STXBP5L: variants seen among roughly 807,000 people sequenced by gnomAD.
STXBP5L encodes syntaxin-binding protein 5-like.
Under a neutral mutation model 144.5 loss-of-function variants are expected in STXBP5L, and 65 were observed. That is an observed-to-expected ratio of 0.45 (90% CI 0.37 to 0.55). The LOEUF (loss-of-function observed/expected upper bound fraction) is 0.55. STXBP5L is among the 20% of genes least tolerant of loss of function. The pLI, the probability that STXBP5L is intolerant of heterozygous loss-of-function variation, is 0.00. For missense variants in STXBP5L, 1,298 were observed against 1,405.5 expected (o/e 0.92, Z 1.22); for synonymous variants, 505 against 469.6 (o/e 1.08, Z -0.97).
chr3:121,049,066 T>C (rs1947741379), intron 5 of STXBP5L, among the ~76,000 whole-genome samples: 1 of 152,128 alleles, frequency 6.6e-6, no homozygotes, highest in African/African-American at 2.4e-5. Context: ...GAGCTGCTAC[T>C]AGCCTGAGAG....
intron 20 of STXBP5L, among the ~76,000 whole-genome samples, chr3:121,333,076 T>A (rs2044379278): frequency 6.6e-6 from 1 of 151,972 alleles, no homozygotes; most frequent in Non-Finnish European, 1.5e-5. Flanking sequence ...AAAAAAATGC[T>A]AAAAGGGGGC....
At position 121,138,390 on chromosome 3, in the gene STXBP5L, C is replaced by G. The variant is rs1397766731; in HGVS notation, c.670-14087C>G. ...ATCAAAATACCAATACCATTCTTCA[C>G]AGAAATAGAAAAAACACCACAAAGT... On this transcript the variant is annotated intron_variant, in intron 7 of 26. Coordinates refer to ENST00000471454, the MANE Select transcript of STXBP5L (RefSeq NM_001308330.2). 2.0e-5 allele frequency among the ~76,000 whole-genome samples: 3 copies of G among 151,980 alleles called. No homozygotes were observed. In the East Asian group the frequency reaches 5.8e-4, roughly 29 times the overall value.
intron 3 of STXBP5L, among the ~76,000 whole-genome samples, chr3:121,032,878 T>C (rs1946474045): frequency 1.8e-5 from 1 of 56,630 alleles, no homozygotes; most frequent in Non-Finnish European, 3.6e-5. Flanking sequence ...TGAGATATCA[T>C]CTCACATCAG....
intron 10 of STXBP5L, among the ~76,000 whole-genome samples, chr3:121,213,548 C>T (rs940585571): frequency 2.0e-5 from 3 of 152,126 alleles, no homozygotes; most frequent in African/African-American, 4.8e-5. Flanking sequence ...AACCTTGCAT[C>T]CCAGGTATGA....
intron 5 of STXBP5L, among the ~76,000 whole-genome samples, chr3:121,092,849 C>T (rs1178787342): frequency 1.2e-4 from 18 of 152,010 alleles, no homozygotes; most frequent in Admixed American, 3.3e-4. Context: ...TGTCTTGTGC[C>T]AGTTTTCAAA....
intron 5 of STXBP5L, among the ~76,000 whole-genome samples, chr3:121,046,349 G>A (rs2107569362): frequency 6.6e-6 from 1 of 152,172 alleles, no homozygotes; most frequent in Admixed American, 6.5e-5. Context: ...GCCAGGTTTT[G>A]GTATCAGGAT....
At chr3:121,389,253 T>A (rs1412334647) in intron 22 of STXBP5L, among the ~76,000 whole-genome samples, 1 of 152,246 alleles carries the variant, frequency 6.6e-6, no homozygotes, top group Non-Finnish European at 1.5e-5. Context: ...TTATCATTTT[T>A]ATTGCGTCTA....
At chr3:120,979,864 A>T (rs920170814) in intron 3 of STXBP5L, among the ~76,000 whole-genome samples, 1 of 152,180 alleles carries the variant, frequency 6.6e-6, no homozygotes, top group African/African-American at 2.4e-5. Flanking sequence ...ATTTAACACT[A>T]TAAGCTTCCC....
intron 22 of STXBP5L, 46 bp downstream of exon 22, chr3:121,381,578 T>C: frequency 6.4e-7 from 1 of 1,572,080 alleles, no homozygotes; most frequent in Non-Finnish European, 8.6e-7. Context: ...CTTTTTCAAA[T>C]TTAGATATAA....
chr3:121,392,098 C>T (rs887294871), intron 22 of STXBP5L, among the ~76,000 whole-genome samples: 1 of 152,188 alleles, frequency 6.6e-6, no homozygotes, highest in Non-Finnish European at 1.5e-5. Context: ...CCTACTCAAG[C>T]CTCAACAATG....
In STXBP5L at chr3:121,415,925, A is replaced by G. The variant is rs757984515; in HGVS notation, c.3183A>G (p.Gly1061=). 9 of 1,613,518 alleles carry G rather than the reference A, an allele frequency of 5.6e-6. No individual in the cohort carries two copies. The South Asian group carries it at 7.7e-5, about 14-fold the overall frequency. ...CTCAAAACAGAGGCTTTCTCAAGGG[A>G]CTGTTTGGTGGAAGCGGACAAACAT... ...PEAQNRGFLK[G]LFGGSGQTFD... Residue 1061 remains glycine (G), a synonymous_variant, in exon 25 of 27, where the codon GGA becomes GGG. Coordinates refer to ENST00000471454, the MANE Select transcript of STXBP5L (RefSeq NM_001308330.2).
Position 121,407,316 on chromosome 3 carries a change from G to A in STXBP5L, c.2661G>A (p.Pro887=), listed in dbSNP as rs765320972. 5.8e-5 allele frequency: 93 copies of A among 1,612,218 alleles called. 1 individual carries two copies. Among genetic ancestry groups the A allele is most frequent in the African/African-American group, 4.1e-4 (31 of 74,908 alleles). Residue 887 remains proline, a synonymous_variant, in exon 23 of 27, where the codon CCG becomes CCA. Coordinates refer to ENST00000471454, the MANE Select transcript of STXBP5L (RefSeq NM_001308330.2). The part of the protein sequence containing the change: ...CMDRMGGLMQ[P]PYEVWRDPNN... Reference sequence around the variant, plus strand: ...ACCGAATGGGTGGATTAATGCAACCGCCATATGAAGTTTGGAGGGATCCAA... The same window carrying A: ...ACCGAATGGGTGGATTAATGCAACCACCATATGAAGTTTGGAGGGATCCAA...
At position 121,045,938 on chromosome 3, in the gene STXBP5L, G is replaced by C. The variant is rs568611765; in HGVS notation, c.470+403G>C. ...TGGTGAGAGATGGCATCCTTGTCTT[G>C]TTTTGGTTTTCAAGGGGAATGCTTC... is the stretch of plus-strand genomic sequence containing the variant. On this transcript the variant is annotated intron_variant, in intron 5 of 26. Coordinates refer to ENST00000471454, the MANE Select transcript of STXBP5L (RefSeq NM_001308330.2). Among the ~76,000 whole-genome samples the C allele has an allele frequency of 3.3e-5, 5 of 152,222 alleles. No homozygotes were observed. The South Asian group carries it at 8.3e-4, about 25-fold the overall frequency.
intron 2 of STXBP5L, among the ~76,000 whole-genome samples, chr3:120,926,975 A>C (rs1576429671): frequency 7.0e-6 from 1 of 142,688 alleles, no homozygotes; most frequent in Admixed American, 7.3e-5. Flanking sequence ...TCCCTCTGTC[A>C]CCCAGACTGG....
chr3:121,192,080 G>T (rs959674599), intron 9 of STXBP5L, among the ~76,000 whole-genome samples: 3 of 152,028 alleles, frequency 2.0e-5, no homozygotes, highest in African/African-American at 7.2e-5. Flanking sequence ...ATGTAGCCTA[G>T]AACCGAAAGT....
At chr3:121,247,331 A>C (rs1162254265) in intron 14 of STXBP5L, among the ~76,000 whole-genome samples, 1 of 152,144 alleles carries the variant, frequency 6.6e-6, no homozygotes, top group Non-Finnish European at 1.5e-5. Context: ...TGGCTAATCT[A>C]GTTTCTTTTC....
chr3:120,977,010 A>G (rs1234675531), intron 3 of STXBP5L, among the ~76,000 whole-genome samples: 9 of 152,062 alleles, frequency 5.9e-5, no homozygotes, highest in Non-Finnish European at 1.0e-4. Context: ...GCTGAAAAAT[A>G]TGTATATTCT....
intron 18 of STXBP5L, among the ~76,000 whole-genome samples, chr3:121,266,237 C>T (rs867913904): frequency 5.9e-5 from 9 of 152,240 alleles, no homozygotes; most frequent in Middle Eastern, 3.4e-3. Flanking sequence ...CAATAAAATA[C>T]GGGCAAACCG....
chr3:120,964,654 G>C (rs536187933), intron 3 of STXBP5L, among the ~76,000 whole-genome samples: 9 of 152,118 alleles, frequency 5.9e-5, no homozygotes, highest in Non-Finnish European at 1.0e-4. Flanking sequence ...TGTAATTTCT[G>C]TTCTTTTACA....
Sources: allele counts gnomAD v4.1 joint callset (sites outside exome capture counted in the v4.1 genomes callset), GRCh38; gene constraint gnomAD v4.1.1; transcripts MANE v1.5; gene names NCBI Gene and HGNC (gene_info 2026-07-23, HGNC 2026-07-21).